DEPDC5: variants seen among roughly 807,000 people sequenced by gnomAD.
DEPDC5 encodes GATOR1 complex protein DEPDC5.
DEPDC5 carries 73 observed loss-of-function variants against 217.3 expected under a neutral mutation model. The ratio of observed to expected loss-of-function variants is 0.34; its 90% CI spans 0.28 to 0.41. DEPDC5 has a LOEUF of 0.41. Ranked by LOEUF, DEPDC5 falls within the 10% of genes least tolerant of loss-of-function variation. DEPDC5 has a pLI of 1.00. For missense variants in DEPDC5, 1,675 were observed against 2,070.1 expected (o/e 0.81, Z 3.70); for synonymous variants, 733 against 756.7 (o/e 0.97, Z 0.51).
At chr22:31,844,891 G>A in intron 29 of DEPDC5, 127 bp from the exon 30 acceptor site, 1 of 930,780 alleles carries the variant, frequency 1.1e-6, no homozygotes, top group Non-Finnish European at 1.7e-6. Flanking sequence ...ATGAGCTGTA[G>A]CATCAAATGA....
chr22:31,882,724 T>G (rs923156650), intron 38 of DEPDC5, among the ~76,000 whole-genome samples: 3 of 152,164 alleles, frequency 2.0e-5, no homozygotes, highest in Non-Finnish European at 2.9e-5. Context: ...GAAGTAACTA[T>G]CATTTGTTCA....
At chr22:31,801,606 T>C (rs2086874664) in intron 14 of DEPDC5, among the ~76,000 whole-genome samples, 1 of 152,198 alleles carries the variant, frequency 6.6e-6, no homozygotes, top group Non-Finnish European at 1.5e-5. Flanking sequence ...CGAAGAACCT[T>C]AGTGGCTCTG....
At chr22:31,891,596 TGTCA>T (rs2093439401) in intron 38 of DEPDC5, among the ~76,000 whole-genome samples, 1 of 152,232 alleles carries the variant, frequency 6.6e-6, no homozygotes, top group African/African-American at 2.4e-5. Flanking sequence ...TGTTTATCTT[TGTCA>T]GTGAGAAAAA....
Position 31,754,967 on chromosome 22 carries a change from T to A in DEPDC5, c.46T>A (p.Phe16Ile). ...VYKLVIHKKG[F>I]GGSDDELVVN... ...CAAACTCGTCATCCACAAGAAGGGC[T>A]TTGGGGGCAGTGGTCAGTATCGATT... Residue 16 changes from phenylalanine to isoleucine, a missense_variant, in exon 2 of 43, where the codon TTT (phenylalanine) becomes ATT (isoleucine). Phe to Ile is a conservative substitution (Grantham distance 21, BLOSUM62 0). This residue lies in a region of DEPDC5 where 628 missense variants were observed against 762.1 expected (regional missense o/e 0.82). Coordinates refer to ENST00000651528, the MANE Select transcript of DEPDC5 (RefSeq NM_001242896.3). 1 of 1,614,154 alleles carries A rather than the reference T, an allele frequency of 6.2e-7. No individual in the cohort carries two copies. The highest frequency in any genetic ancestry group is 8.5e-7 in the Non-Finnish European group (1 of 1,180,026).
intron 21 of DEPDC5, among the ~76,000 whole-genome samples, chr22:31,818,474 C>T (rs1382040174): frequency 6.6e-6 from 1 of 151,962 alleles, no homozygotes; most frequent in African/African-American, 2.4e-5. Context: ...CATTGTGGTC[C>T]AGGCCTGGAT....
chr22:31,879,043 AATAT>A (rs1555918454), intron 37 of DEPDC5, among the ~76,000 whole-genome samples: 76 of 119,428 alleles, frequency 6.4e-4, no homozygotes, highest in Middle Eastern at 4.6e-3. Flanking sequence ...AAAAAAAAAA[AATAT>A]ATATATATAT....
chr22:31,838,823 C>A lies in DEPDC5; in HGVS notation c.2493C>A (p.Ser831Arg). The stretch of plus-strand genomic sequence containing the variant: ...ATCCTGCTGTCCCGCCCCCGCTGAG[C>A]AGTAGCCCACTCTATAGCCGAGGTG... ...KPNPAVPPPL[S>R]SSPLYSRGLV... The change falls in exon 27 of 43, where the codon AGC becomes AGA. Residue 831 changes from serine (S) to arginine (R), a missense_variant. Physicochemically the swap from Ser to Arg is moderately radical, Grantham distance 110. Coordinates refer to ENST00000651528, the MANE Select transcript of DEPDC5 (RefSeq NM_001242896.3). 1 of 1,614,046 alleles carries A rather than the reference C, an allele frequency of 6.2e-7. No individual in the cohort carries two copies. The highest frequency in any genetic ancestry group is 8.5e-7 in the Non-Finnish European group (1 of 1,179,946).
At chr22:31,859,389 CTT>C (rs567370285) in intron 32 of DEPDC5, among the ~76,000 whole-genome samples, 30 of 123,716 alleles carry the variant, frequency 2.4e-4, no homozygotes, top group Non-Finnish European at 2.7e-4. Context: ...CTGCGCCCGG[CTT>C]TTTTTTTTTT....
chr22:31,843,436 A>T (rs762658731), intron 28 of DEPDC5, among the ~76,000 whole-genome samples: 1 of 152,218 alleles, frequency 6.6e-6, no homozygotes, highest in Non-Finnish European at 1.5e-5. Context: ...TGACAAGCCT[A>T]TTTCAAATAA....
intron 3 of DEPDC5, 48 bp downstream of exon 3, chr22:31,758,681 A>T: frequency 1.3e-6 from 2 of 1,541,860 alleles, no homozygotes; most frequent in Non-Finnish European, 1.8e-6. Flanking sequence ...ACTGTTTCCA[A>T]ATGATGTCCA....
chr22:31,869,457 TGA>T (rs2092779433), intron 33 of DEPDC5, among the ~76,000 whole-genome samples: 1 of 150,870 alleles, frequency 6.6e-6, no homozygotes, highest in East Asian at 1.9e-4. Context: ...CCCTGCTACT[TGA>T]GAGTCTGAGG....
intron 40 of DEPDC5, among the ~76,000 whole-genome samples, chr22:31,900,687 C>T (rs927480230): frequency 5.3e-5 from 8 of 151,644 alleles, no homozygotes; most frequent in Middle Eastern, 3.4e-3. Context: ...TGTGGTGAGC[C>T]GAGATCGTGC....
Position 31,843,726 on chromosome 22 carries a change from G to C in DEPDC5, c.2715G>C (p.Trp905Cys), listed in dbSNP as rs1261463857. 1.2e-6 allele frequency: 2 copies of C among 1,613,886 alleles called. No individual in the cohort carries two copies. Among genetic ancestry groups the C allele is most frequent in the Admixed American group, 1.7e-5 (1 of 60,002 alleles). The change falls in exon 29 of 43, where the codon TGG becomes TGC. Residue 905 changes from tryptophan (W) to cysteine (C), a missense_variant. By Grantham distance (215) the Trp-to-Cys change is radical. Transcript: ENST00000651528. ...CAGACTCAGAGTTCGTCTCCTGCTG[G>C]GTGGAATTCTCCCACGAACGGCTGG... The part of the protein sequence containing the change: ...SHSDSEFVSC[W>C]VEFSHERLEE...
At chr22:31,896,945 C>T (rs894192599) in intron 39 of DEPDC5, among the ~76,000 whole-genome samples, 12 of 152,088 alleles carry the variant, frequency 7.9e-5, no homozygotes, top group Non-Finnish European at 7.4e-5. Flanking sequence ...GGCAAAACCC[C>T]GTCTCTACTA....
chr22:31,819,084 G>A lies in DEPDC5; in HGVS notation c.1729G>A (p.Val577Ile), dbSNP rs573430885. 5.6e-6 allele frequency: 9 copies of A among 1,614,192 alleles called. No homozygotes were observed. Among genetic ancestry groups the A allele is most frequent in the East Asian group, 2.2e-5 (1 of 44,878 alleles). Residue 577 changes from valine (V) to isoleucine (I), a missense_variant, in exon 22 of 43, where the codon GTT becomes ATT. By Grantham distance (29) the Val-to-Ile change is conservative (BLOSUM62 3). Transcript: ENST00000651528. ...RDSSAPGRFH[V>I]GSAESMLHVR... Reference sequence around the variant, plus strand: ...CTCCAGTGCACCAGGGAGGTTTCACGTTGGCAGTGCAGAATCCATGCTGCA... The same window carrying A: ...CTCCAGTGCACCAGGGAGGTTTCACATTGGCAGTGCAGAATCCATGCTGCA...
intron 7 of DEPDC5, among the ~76,000 whole-genome samples, chr22:31,770,317 C>A (rs1290367280): frequency 6.6e-6 from 1 of 151,558 alleles, no homozygotes; most frequent in Non-Finnish European, 1.5e-5. Context: ...TTCCTCTCCC[C>A]AGAAACAACT....
At chr22:31,843,912 C>CA in intron 29 of DEPDC5, 100 bp downstream of exon 29, 1 of 1,046,720 alleles carries the variant, frequency 9.6e-7, no homozygotes, top group Non-Finnish European at 1.3e-6. Context: ...CTCCCTTTTT[C>CA]TTTTTTTTTT....
intron 31 of DEPDC5, among the ~76,000 whole-genome samples, chr22:31,848,808 T>G (rs948093785): frequency 6.6e-6 from 1 of 152,160 alleles, no homozygotes; most frequent in African/African-American, 2.4e-5. Flanking sequence ...GCTGCCAAGT[T>G]TCCAAACTTT....
chr22:31,807,179 A>G (rs1359186150), intron 18 of DEPDC5, among the ~76,000 whole-genome samples: 3 of 152,342 alleles, frequency 2.0e-5, no homozygotes, highest in East Asian at 3.9e-4. Context: ...TACTTTTGCA[A>G]AGCATTTCAG....
Sources: gnomAD v4.1 joint callset for allele counts (sites outside exome capture counted in the v4.1 genomes callset) on GRCh38, gnomAD v4.1.1 for gene constraint, gnomAD v4.1.1 regional missense constraint, MANE v1.5 for transcripts, NCBI Gene and HGNC (gene_info 2026-07-23, HGNC 2026-07-21) for gene names.